The following YWHAQ variants were observed in gnomAD, a reference collection of about 807,000 sequenced individuals.
YWHAQ encodes 14-3-3 protein theta.
In YWHAQ, 6 loss-of-function variants were observed where a neutral mutation model predicts 28.3. The ratio of observed to expected loss-of-function variants is 0.21; its 90% CI spans 0.12 to 0.42. The LOEUF is 0.42. Among genes scored for constraint, YWHAQ ranks in the 10% least tolerant of loss-of-function variants. The probability of loss-of-function intolerance (pLI) is 1.00; values close to 1 mark genes in which losing one functional copy is unlikely to be tolerated. For synonymous variants in YWHAQ, 143 were observed against 119.1 expected, an observed-to-expected ratio of 1.20 and a Z score of -1.31; for missense variants, 201 against 305.6, an observed-to-expected ratio of 0.66 and a Z score of 2.55.
At position 9,584,237 on chromosome 2, in the gene YWHAQ, G is replaced by C. The variant is rs1666302841; in HGVS notation, c.*1049C>G. 6.6e-6 allele frequency: 1 copy of C among 152,396 alleles called. No individual in the cohort carries two copies. The highest frequency in any genetic ancestry group is 2.4e-5 in the African/African-American group (1 of 41,346). 9.4% of individuals were successfully genotyped at this position (152,396 alleles called of 1,614,324 possible). A position where few individuals can be genotyped will look rare whatever the true frequency, so the allele number is the denominator to read the frequency against. The stretch of plus-strand genomic sequence containing the variant: ...AAATTCACCTGTCCCTTAAAATATG[G>C]GTATGCAATTGTTACAAAGCCATAG... On this transcript the variant is annotated 3_prime_UTR_variant, in exon 6 of 6. Coordinates refer to ENST00000238081, the MANE Select transcript of YWHAQ (RefSeq NM_006826.4).
At chr2:9,604,671 C>G (rs1666782395) in intron 2 of YWHAQ, among the ~76,000 whole-genome samples, 1 of 152,166 alleles carries the variant, frequency 6.6e-6, no homozygotes, top group African/African-American at 2.4e-5. Context: ...GGAGGGCCGG[C>G]TTTTTGAACC....
chr2:9,585,275 C>G lies in YWHAQ; in HGVS notation c.*11G>C. The G allele has an allele frequency of 6.2e-7, 1 of 1,613,920 alleles. No individual in the cohort carries two copies. Among genetic ancestry groups the G allele is most frequent in the Non-Finnish European group, 8.5e-7 (1 of 1,179,928 alleles). On this transcript the variant is annotated 3_prime_UTR_variant, in exon 6 of 6. Coordinates refer to ENST00000238081, the MANE Select transcript of YWHAQ (RefSeq NM_006826.4). ...TTCTTGAAGGAAAGAAGGATGACACCCTGTATGGATTTAGTTTTCAGCCCC... is the reference window on the plus strand; with the variant it reads ...TTCTTGAAGGAAAGAAGGATGACACGCTGTATGGATTTAGTTTTCAGCCCC...
intron 2 of YWHAQ, among the ~76,000 whole-genome samples, chr2:9,614,836 T>C (rs1008179279): frequency 1.3e-5 from 2 of 152,212 alleles, no homozygotes; most frequent in African/African-American, 2.4e-5. Flanking sequence ...CTGAAGTATA[T>C]ACAACCCCTT....
At position 9,593,921 on chromosome 2, in the gene YWHAQ, T is replaced by TAC. The variant is rs148503227; in HGVS notation, c.295-2407_295-2406insGT. ...ATTAAAAAAAATATATATATATATA[T>TAC]ATACACACACACACACACACACTTT... is the stretch of plus-strand genomic sequence containing the variant. On this transcript the variant is annotated intron_variant, in intron 2 of 5. Transcript: ENST00000238081. Among the ~76,000 whole-genome samples, 632 of 128,322 alleles carry TAC rather than the reference T, an allele frequency of 4.9e-3. 6 individuals are homozygous for TAC. Among genetic ancestry groups the TAC allele is most frequent in the African/African-American group, 0.023 (598 of 26,426 alleles). 84.2% of individuals were successfully genotyped at this position (128,322 alleles called of 152,430 possible). A position where few individuals can be genotyped will look rare whatever the true frequency, so the allele number is the denominator to read the frequency against.
chr2:9,600,429 G>A (rs1052010672), intron 2 of YWHAQ, among the ~76,000 whole-genome samples: 8 of 152,150 alleles, frequency 5.3e-5, no homozygotes, highest in African/African-American at 1.7e-4. Flanking sequence ...TTTGAGGGCC[G>A]GGTGTGGTGA....
At chr2:9,615,634 G>A (rs1239990808) in intron 2 of YWHAQ, among the ~76,000 whole-genome samples, 5 of 152,104 alleles carry the variant, frequency 3.3e-5, no homozygotes, top group African/African-American at 1.2e-4. Context: ...GTCTTTATGA[G>A]CAATACCAGT....
intron 2 of YWHAQ, among the ~76,000 whole-genome samples, chr2:9,606,943 A>G (rs1008358081): frequency 1.4e-5 from 2 of 146,750 alleles, no homozygotes; most frequent in African/African-American, 5.1e-5. Context: ...GCAGTGCAGT[A>G]GCATAATCTT....
At chr2:9,587,678 G>T (rs528970846) in intron 4 of YWHAQ, among the ~76,000 whole-genome samples, 169 bp from the exon 5 acceptor site, 6 of 152,340 alleles carry the variant, frequency 3.9e-5, no homozygotes, top group African/African-American at 1.4e-4. Flanking sequence ...TTATGAGTAT[G>T]ACTGGAATTT....
chr2:9,611,811 C>T (rs1184852282), intron 2 of YWHAQ, among the ~76,000 whole-genome samples: 1 of 152,020 alleles, frequency 6.6e-6, no homozygotes, highest in East Asian at 1.9e-4. Flanking sequence ...GCTGGGATTA[C>T]AGGTGTGCAC....
chr2:9,617,085 C>T (rs922792594), intron 2 of YWHAQ, among the ~76,000 whole-genome samples: 6 of 151,620 alleles, frequency 4.0e-5, no homozygotes, highest in African/African-American at 7.3e-5. Flanking sequence ...CTCAGCCTCC[C>T]GAGTAGCTGG....
chr2:9,627,121 C>T lies in YWHAQ; in HGVS notation c.294+3038G>A, dbSNP rs562681592. Among the ~76,000 whole-genome samples the T allele has an allele frequency of 1.2e-3, 189 of 152,302 alleles. 1 individual carries two copies. Among genetic ancestry groups the T allele is most frequent in the Admixed American group, 3.2e-3 (49 of 15,306 alleles). Reference sequence around the variant, plus strand: ...ATTTTAACATTTTTTTGTGCTTCCACGGTTCAGTAACCTCTTTCAATACCG... The same window carrying T: ...ATTTTAACATTTTTTTGTGCTTCCATGGTTCAGTAACCTCTTTCAATACCG... On this transcript the variant is annotated intron_variant, in intron 2 of 5. Coordinates refer to ENST00000238081, the MANE Select transcript of YWHAQ (RefSeq NM_006826.4).
chr2:9,594,256 T>C (rs1666523125), intron 2 of YWHAQ, among the ~76,000 whole-genome samples: 1 of 152,168 alleles, frequency 6.6e-6, no homozygotes, highest in African/African-American at 2.4e-5. Flanking sequence ...ATCACCAATA[T>C]AATTTTAATA....
At chr2:9,585,453 A>G (rs1173175084) in intron 5 of YWHAQ, 108 bp from the exon 6 acceptor site, 23 of 1,244,210 alleles carry the variant, frequency 1.8e-5, no homozygotes, top group African/African-American at 3.0e-5. Flanking sequence ...TCCTCAAACA[A>G]TGGAGATCTT....
rs149395506 is a variant in YWHAQ, at chr2:9,627,242, T to C, written c.294+2917A>G. On this transcript the variant is annotated intron_variant, in intron 2 of 5. Transcript: ENST00000238081. The stretch of plus-strand genomic sequence containing the variant: ...ACCTACTCTATGAAAGGGAGGAGGC[T>C]GAGAATATCTGCTCTTTTCTACCAA... Among the ~76,000 whole-genome samples the C allele has an allele frequency of 4.5e-3, 691 of 152,352 alleles. 8 individuals carry two copies. The highest frequency in any genetic ancestry group is 0.016 in the African/African-American group (660 of 41,582).
intron 2 of YWHAQ, among the ~76,000 whole-genome samples, chr2:9,610,480 A>G (rs7608161): frequency 0.27 from 40,499 of 152,012 alleles, 5,678 homozygotes; most frequent in African/African-American, 0.34. Context: ...GACATATATT[A>G]ACATCTGGAT....
At chr2:9,621,120 A>G (rs1667134144) in intron 2 of YWHAQ, among the ~76,000 whole-genome samples, 1 of 152,244 alleles carries the variant, frequency 6.6e-6, no homozygotes, top group Non-Finnish European at 1.5e-5. Context: ...AATAGGTTGA[A>G]TGAAATGCAA....
chr2:9,603,021 C>G (rs1304197796), intron 2 of YWHAQ, among the ~76,000 whole-genome samples: 1 of 149,878 alleles, frequency 6.7e-6, no homozygotes, highest in Non-Finnish European at 1.5e-5. Flanking sequence ...CCTCACCTGA[C>G]TGAGGAACAC....
At chr2:9,608,457 G>A (rs1296793828) in intron 2 of YWHAQ, among the ~76,000 whole-genome samples, 5 of 152,102 alleles carry the variant, frequency 3.3e-5, no homozygotes, top group Non-Finnish European at 7.4e-5. Flanking sequence ...GCAGAAACTC[G>A]AACCTATGTT....
chr2:9,629,121 T>C (rs574216223), intron 2 of YWHAQ, among the ~76,000 whole-genome samples: 10 of 151,844 alleles, frequency 6.6e-5, no homozygotes, highest in African/African-American at 2.2e-4. Flanking sequence ...TTTTGAAAAA[T>C]CCCCAGTCTA....
Sources: allele counts gnomAD v4.1 joint callset (sites outside exome capture counted in the v4.1 genomes callset), GRCh38; gene constraint gnomAD v4.1.1; transcripts MANE v1.5; gene names NCBI Gene and HGNC (gene_info 2026-07-23, HGNC 2026-07-21).